Variants in ELOVL6 observed in about 807,000 individuals in gnomAD.
The protein encoded by ELOVL6 is ELOVL fatty acid elongase 6, also known as very long chain fatty acid elongase 6.
In ELOVL6, 8 loss-of-function variants were observed where a neutral mutation model predicts 31.7. That is an observed-to-expected ratio of 0.25 (90% CI 0.15 to 0.45). ELOVL6 has a LOEUF of 0.45. Among genes scored for constraint, ELOVL6 ranks in the 20% least tolerant of loss-of-function variants. ELOVL6 has a pLI of 1.00. For synonymous variants in ELOVL6, 101 were observed against 117.7 expected, an observed-to-expected ratio of 0.86 and a Z score of 0.92; for missense variants, 126 against 326.4, an observed-to-expected ratio of 0.39 and a Z score of 4.73.
At chr4:110,118,153 T>C (rs1420455670) in intron 1 of ELOVL6, 2 of 150,408 alleles carry the variant, frequency 1.3e-5, no homozygotes, top group African/African-American at 4.9e-5. Context: ...ACACAGGTTT[T>C]CACCATTTTG....
At position 110,142,094 on chromosome 4, in the gene ELOVL6, G is replaced by T. The variant is rs775424698; in HGVS notation, c.90-36466C>A. ...TTTTTTTTTTTTTTTTTTTTGAGAC[G>T]GAGTCTCGCTGTGTCACCCAGGCTG... is the stretch of plus-strand genomic sequence containing the variant. On this transcript the variant is annotated intron_variant, in intron 1 of 3. Transcript: ENST00000302274. 1.7e-4 allele frequency among the ~76,000 whole-genome samples: 22 copies of T among 130,788 alleles called. No individual in the cohort carries two copies. In the South Asian group the frequency reaches 5.1e-3, roughly 31 times the overall value. 85.8% of individuals were successfully genotyped at this position (130,788 alleles called of 152,430 possible). A position where few individuals can be genotyped will look rare whatever the true frequency, so the allele number is the denominator to read the frequency against.
At chr4:110,087,578 C>T (rs1455331250) in intron 2 of ELOVL6, among the ~76,000 whole-genome samples, 2 of 152,134 alleles carry the variant, frequency 1.3e-5, no homozygotes, top group Non-Finnish European at 2.9e-5. Context: ...CAGAAGGTTT[C>T]CAAGCCCAGC....
At chr4:110,069,386 T>A (rs1755403486) in intron 2 of ELOVL6, among the ~76,000 whole-genome samples, 1 of 151,690 alleles carries the variant, frequency 6.6e-6, no homozygotes. Flanking sequence ...CTCGACCCCA[T>A]CAAGGCCAGA....
At chr4:110,195,365 C>T (rs1759741734) in intron 1 of ELOVL6, among the ~76,000 whole-genome samples, 1 of 151,984 alleles carries the variant, frequency 6.6e-6, no homozygotes, top group South Asian at 2.1e-4. Context: ...GGTAATCCAC[C>T]CACCTCAGCC....
chr4:110,120,243 C>G (rs1327206745), intron 1 of ELOVL6, among the ~76,000 whole-genome samples: 1 of 151,618 alleles, frequency 6.6e-6, no homozygotes, highest in Non-Finnish European at 1.5e-5. Context: ...CTTTTTTCTA[C>G]TTTGCTTGTT....
At chr4:110,173,927 C>T (rs556332757) in intron 1 of ELOVL6, among the ~76,000 whole-genome samples, 1 of 151,474 alleles carries the variant, frequency 6.6e-6, no homozygotes, top group South Asian at 2.1e-4. Flanking sequence ...TACAACAAAT[C>T]CCCATGACAC....
chr4:110,186,814 A>T (rs1184227963), intron 1 of ELOVL6, among the ~76,000 whole-genome samples: 8 of 117,794 alleles, frequency 6.8e-5, no homozygotes, highest in African/African-American at 2.1e-4. Flanking sequence ...AAAAAAAAAA[A>T]AAAAAAAAAT....
At chr4:110,187,827 A>G (rs1759494204) in intron 1 of ELOVL6, among the ~76,000 whole-genome samples, 1 of 152,212 alleles carries the variant, frequency 6.6e-6, no homozygotes, top group South Asian at 2.1e-4. Flanking sequence ...AAAACCTGGA[A>G]ACAAGGCTGA....
At chr4:110,085,127 C>A (rs929076173) in intron 2 of ELOVL6, among the ~76,000 whole-genome samples, 6 of 152,072 alleles carry the variant, frequency 3.9e-5, no homozygotes, top group African/African-American at 1.4e-4. Flanking sequence ...AAAGAAAATG[C>A]AAACTGATAT....
intron 2 of ELOVL6, among the ~76,000 whole-genome samples, chr4:110,097,372 T>G (rs950229466): frequency 7.3e-5 from 11 of 150,590 alleles, no homozygotes; most frequent in African/African-American, 1.2e-4. Flanking sequence ...CATTGTTATC[T>G]CCAGTTGTAA....
intron 1 of ELOVL6, among the ~76,000 whole-genome samples, chr4:110,125,898 A>C (rs1036824444): frequency 5.9e-5 from 9 of 152,202 alleles, no homozygotes; most frequent in Admixed American, 5.9e-4. Context: ...GGGTTATAAA[A>C]AGAATGTTTT....
intron 2 of ELOVL6, among the ~76,000 whole-genome samples, chr4:110,069,227 AC>A (rs1755397581): frequency 6.6e-6 from 1 of 151,394 alleles, no homozygotes; most frequent in South Asian, 2.1e-4. Flanking sequence ...GAAACAGAAC[AC>A]CTGGTTATAG....
At chr4:110,163,498 C>CAA (rs1346931065) in intron 1 of ELOVL6, among the ~76,000 whole-genome samples, 1 of 152,168 alleles carries the variant, frequency 6.6e-6, no homozygotes, top group Non-Finnish European at 1.5e-5. Flanking sequence ...ACAGGCTCCT[C>CAA]AATAAATATT....
Position 110,138,812 on chromosome 4 carries a change from C to A in ELOVL6, c.90-33184G>T, listed in dbSNP as rs535546801. Among the ~76,000 whole-genome samples the A allele has an allele frequency of 2.0e-5, 3 of 152,126 alleles. No individual in the cohort carries two copies. In the East Asian group the frequency reaches 5.8e-4, roughly 29 times the overall value. ...CTCCTGTGGTTTCCATCAGCCACAA[C>A]CTGAATAACTGTGTGGTAATCCAAA... On this transcript the variant is annotated intron_variant, in intron 1 of 3. Coordinates refer to ENST00000302274, the MANE Select transcript of ELOVL6 (RefSeq NM_024090.3).
At chr4:110,179,496 A>G (rs1199528968) in intron 1 of ELOVL6, among the ~76,000 whole-genome samples, 1 of 152,230 alleles carries the variant, frequency 6.6e-6, no homozygotes, top group Non-Finnish European at 1.5e-5. Flanking sequence ...ACAAGAGCAA[A>G]ATTCCATTTC....
chr4:110,162,046 G>A (rs1758646113), intron 1 of ELOVL6, among the ~76,000 whole-genome samples: 1 of 152,098 alleles, frequency 6.6e-6, no homozygotes, highest in African/African-American at 2.4e-5. Context: ...TTGGGGAAAG[G>A]GATGTAGTCC....
Position 110,117,903 on chromosome 4 carries a change from A to AAAAAAATAT in ELOVL6, c.90-12276_90-12275insATATTTTTT. The AAAAAAATAT allele has an allele frequency of 6.2e-4, 4 of 6,504 alleles. 1 individual carries two copies. Among genetic ancestry groups the AAAAAAATAT allele is most frequent in the East Asian group, 6.2e-3 (1 of 162 alleles). The allele number at this position is 6,504 out of a possible 1,614,324, so 0.4% of individuals were successfully genotyped here. A position where few individuals can be genotyped will look rare whatever the true frequency, so the allele number is the denominator to read the frequency against. ...TCTCAAAAAAAAAAAAAAAAAAAAA[A>AAAAAAATAT]ATATATATATATATATATATATCTC... is the stretch of plus-strand genomic sequence containing the variant. On this transcript the variant is annotated intron_variant, in intron 1 of 3. Transcript: ENST00000302274.
At chr4:110,099,628 G>C (rs2126243696) in intron 2 of ELOVL6, among the ~76,000 whole-genome samples, 1 of 152,262 alleles carries the variant, frequency 6.6e-6, no homozygotes, top group Non-Finnish European at 1.5e-5. Flanking sequence ...ACACTAACTA[G>C]ACATCCTGCT....
chr4:110,171,057 CACAGGCCAAGAAGAATCTGAACAG>C (rs1316671543), intron 1 of ELOVL6, among the ~76,000 whole-genome samples: 1 of 152,188 alleles, frequency 6.6e-6, no homozygotes, highest in Non-Finnish European at 1.5e-5. Flanking sequence ...GAATGTGACA[CACAGGCCAAGAAGAATCTGAACAG>C]ACAGGCCTTG....
Sources: gnomAD v4.1 joint callset for allele counts (sites outside exome capture counted in the v4.1 genomes callset) on GRCh38, gnomAD v4.1.1 for gene constraint, MANE v1.5 for transcripts, NCBI Gene and HGNC (gene_info 2026-07-23, HGNC 2026-07-21) for gene names.